Variants in ANK2 observed in about 807,000 individuals in gnomAD.
ANK2 encodes ankyrin-2.
A neutral mutation model predicts 360.5 loss-of-function variants in ANK2; 83 were observed. The observed-to-expected ratio is 0.23, with a 90% CI of 0.19 to 0.28. The LOEUF (loss-of-function observed/expected upper bound fraction) is 0.28. ANK2 is among the 10% of genes least tolerant of loss of function. The probability of loss-of-function intolerance (pLI) is 1.00; values close to 1 mark genes in which losing one functional copy is unlikely to be tolerated. For synonymous variants in ANK2, 1,740 were observed against 1,759.5 expected, an observed-to-expected ratio of 0.99 and a Z score of 0.28; for missense variants, 4,201 against 4,795.7, an observed-to-expected ratio of 0.88 and a Z score of 3.66.
intron 2 of ANK2, among the ~76,000 whole-genome samples, chr4:113,021,035 TTAATAAA>T (rs2057948660): frequency 6.6e-6 from 1 of 152,164 alleles, no homozygotes; most frequent in African/African-American, 2.4e-5. Context: ...ATAGCATTAA[TTAATAAA>T]TAATAACAGC....
chr4:113,208,722 T>C (rs74450375), intron 4 of ANK2, among the ~76,000 whole-genome samples: 2,315 of 151,950 alleles, frequency 0.015, 29 homozygotes, highest in Non-Finnish European at 0.022. Context: ...AGACTGGCCT[T>C]GAACTCCTGG....
At chr4:113,305,124 A>G (rs1185320425) in intron 23 of ANK2, among the ~76,000 whole-genome samples, 1 of 151,546 alleles carries the variant, frequency 6.6e-6, no homozygotes, top group Admixed American at 6.6e-5. Flanking sequence ...GCGGATCACG[A>G]GGTCAGGAGA....
chr4:112,938,841 C>G (rs2093970848), intron 2 of ANK2, among the ~76,000 whole-genome samples: 1 of 152,138 alleles, frequency 6.6e-6, no homozygotes, highest in Non-Finnish European at 1.5e-5. Flanking sequence ...AAATGTTACC[C>G]TAGGATGTAA....
At chr4:112,738,808 A>G in the ANK2 span, 1 of 626,100 alleles carries the variant, frequency 1.6e-6, no homozygotes, top group Non-Finnish European at 3.0e-6. Context: ...AACAGGGTTC[A>G]TAGAAGGTTC....
At chr4:112,742,639 C>A in the ANK2 span, among the ~76,000 whole-genome samples, 1 of 152,060 alleles carries the variant, frequency 6.6e-6, no homozygotes, top group African/African-American at 2.4e-5. Flanking sequence ...GAAGAAAAGT[C>A]CCCTAAAATG....
At chr4:112,891,028 T>C (rs1039723230) in intron 1 of ANK2, among the ~76,000 whole-genome samples, 1 of 152,098 alleles carries the variant, frequency 6.6e-6, no homozygotes, top group Non-Finnish European at 1.5e-5. Flanking sequence ...TTTTTGACAG[T>C]TTTTTATGTT....
At chr4:112,938,513 ATT>A (rs1471961317) in intron 2 of ANK2, among the ~76,000 whole-genome samples, 1 of 151,980 alleles carries the variant, frequency 6.6e-6, no homozygotes, top group South Asian at 2.1e-4. Flanking sequence ...CTTTCTGTAT[ATT>A]TTTTGTTTTC....
intron 2 of ANK2, among the ~76,000 whole-genome samples, chr4:113,192,958 T>C (rs1457999989): frequency 6.7e-6 from 1 of 149,388 alleles, no homozygotes; most frequent in East Asian, 2.0e-4. Context: ...TTGATGGGGC[T>C]AGACAGGGAG....
intron 29 of ANK2, 79 bp downstream of exon 29, chr4:113,333,287 G>GGTGTGTGTGTGT (rs1447963400): frequency 6.7e-7 from 1 of 1,488,916 alleles, no homozygotes; most frequent in Non-Finnish European, 9.3e-7. Context: ...ATGACCTAGG[G>GGTGTGTGTGTGT]GTGTGTGTAT....
the ANK2 span, among the ~76,000 whole-genome samples, chr4:112,769,173 A>T: frequency 1.3e-5 from 2 of 151,366 alleles, no homozygotes; most frequent in South Asian, 4.2e-4. Context: ...TATGTTTGTC[A>T]TGTCCCTCCA....
chr4:112,969,178 C>T (rs946549427), intron 2 of ANK2, among the ~76,000 whole-genome samples: 1 of 152,162 alleles, frequency 6.6e-6, no homozygotes, highest in Non-Finnish European at 1.5e-5. Flanking sequence ...ACCCTTCAGA[C>T]CCTAGGCACT....
In ANK2 at chr4:112,956,385, C is replaced by T. The variant is rs571173949; in HGVS notation, c.21+51871C>T. Reference sequence around the variant, plus strand: ...TAAGTTGAGAACTTTCACCTTTTCACTTAAAGGAAGCACTCTACAGCTTCT... The same window carrying T: ...TAAGTTGAGAACTTTCACCTTTTCATTTAAAGGAAGCACTCTACAGCTTCT... On this transcript the variant is annotated intron_variant, in intron 2 of 30. Coordinates refer to the ANK2 transcript ENST00000503271. 4.3e-4 allele frequency among the ~76,000 whole-genome samples: 65 copies of T among 152,152 alleles called. No homozygotes were observed. In the East Asian group the frequency reaches 7.9e-3, roughly 19 times the overall value.
In ANK2 at chr4:112,958,696, TG is replaced by T. The variant is rs146454617; in HGVS notation, c.21+54183del. Reference sequence around the variant, plus strand: ...TAATACTGCATGTTAATCAATTTTTTGTTACCCTTTTTGAGTTGACTCTACC... The same window carrying T: ...TAATACTGCATGTTAATCAATTTTTTTTACCCTTTTTGAGTTGACTCTACC... On this transcript the variant is annotated intron_variant, in intron 2 of 30. Coordinates refer to the ANK2 transcript ENST00000503271. 8.3e-3 allele frequency among the ~76,000 whole-genome samples: 1,269 copies of T among 152,288 alleles called. 49 individuals are homozygous for T. The East Asian group carries it at 0.13, about 16-fold the overall frequency.
upstream of ANK2, among the ~76,000 whole-genome samples, chr4:113,047,180 T>C (rs2064786200): frequency 6.6e-6 from 1 of 152,238 alleles, no homozygotes; most frequent in Non-Finnish European, 1.5e-5. Flanking sequence ...GCCTAGAATA[T>C]TCTTCCTTCA....
At chr4:112,904,402 A>G (rs1483527041) in intron 1 of ANK2, 1 of 1,066,844 alleles carries the variant, frequency 9.4e-7, no homozygotes, top group Non-Finnish European at 1.3e-6. Context: ...GTTCTTAATG[A>G]TAAATTGAAA....
intron 2 of ANK2, among the ~76,000 whole-genome samples, chr4:113,040,063 C>T (rs1338613268): frequency 6.6e-6 from 1 of 151,922 alleles, no homozygotes; most frequent in Non-Finnish European, 1.5e-5. Flanking sequence ...ACGACCTGCC[C>T]CAATGTGCTA....
intron 2 of ANK2, among the ~76,000 whole-genome samples, chr4:112,915,834 C>G (rs2089619993): frequency 6.6e-6 from 1 of 151,132 alleles, no homozygotes; most frequent in African/African-American, 2.4e-5. Flanking sequence ...AGTTTGCTTT[C>G]ATTATTGAGG....
At chr4:113,200,507 T>G (rs954514985) in intron 4 of ANK2, among the ~76,000 whole-genome samples, 5 of 152,172 alleles carry the variant, frequency 3.3e-5, no homozygotes, top group Non-Finnish European at 5.9e-5. Context: ...GTCCCTAGTA[T>G]CTATTATTTC....
At chr4:112,992,009 T>C (rs2046994908) in intron 2 of ANK2, among the ~76,000 whole-genome samples, 1 of 152,216 alleles carries the variant, frequency 6.6e-6, no homozygotes, top group African/African-American at 2.4e-5. Context: ...GGAAACTTTC[T>C]CTTTTTCCTT....
Sources: gnomAD v4.1 joint callset for allele counts (sites outside exome capture counted in the v4.1 genomes callset) on GRCh38, gnomAD v4.1.1 for gene constraint, MANE v1.5 for transcripts, NCBI Gene and HGNC (gene_info 2026-07-23, HGNC 2026-07-21) for gene names.